CIT: variants seen among roughly 807,000 people sequenced by gnomAD.
The protein encoded by CIT is citron rho-interacting serine/threonine kinase, also known as citron Rho-interacting kinase.
In CIT, 79 loss-of-function variants were observed where a neutral mutation model predicts 272.7. That is an observed-to-expected ratio of 0.29 (90% CI 0.24 to 0.35). CIT has a LOEUF of 0.35. CIT is among the 10% of genes least tolerant of loss of function. CIT has a pLI of 1.00. For missense variants in CIT, 1,909 were observed against 2,618.3 expected (o/e 0.73, Z 5.91); for synonymous variants, 948 against 995.6 (o/e 0.95, Z 0.90).
chr12:119,859,511 GTT>G lies in CIT; in HGVS notation c.239-1815_239-1814del, dbSNP rs767222425. Among the ~76,000 whole-genome samples the G allele has an allele frequency of 2.0e-5, 3 of 149,404 alleles. No individual in the cohort carries two copies. The East Asian group carries it at 5.9e-4, about 29-fold the overall frequency. On this transcript the variant is annotated intron_variant, in intron 3 of 47. Coordinates refer to ENST00000392521, the MANE Select transcript of CIT (RefSeq NM_001206999.2). ...CAATGTCATTTTTTTCATTTTCTTAGTTTTTTTTTTAAGAGACACAAATGGCT... is the reference window on the plus strand; with the variant it reads ...CAATGTCATTTTTTTCATTTTCTTAGTTTTTTTTAAGAGACACAAATGGCT...
chr12:119,701,785 AG>A (rs756370485), intron 42 of CIT, 33 bp from the exon 43 acceptor site: 2 of 1,614,034 alleles, frequency 1.2e-6, no homozygotes, highest in African/African-American at 2.7e-5. Flanking sequence ...GGGCTTCAGG[AG>A]TGAGTTCTGA....
At chr12:119,800,246 C>T (rs1966076372) in intron 10 of CIT, among the ~76,000 whole-genome samples, 1 of 152,120 alleles carries the variant, frequency 6.6e-6, no homozygotes, top group South Asian at 2.1e-4. Flanking sequence ...CAGACAGCTA[C>T]TCACTCTCCA....
intron 1 of CIT, among the ~76,000 whole-genome samples, chr12:119,876,385 T>C (rs1594031812): frequency 6.6e-6 from 1 of 152,254 alleles, no homozygotes. Context: ...TCTGACATAC[T>C]CTCTTACTTA....
intron 26 of CIT, among the ~76,000 whole-genome samples, chr12:119,732,585 G>A (rs1958517069): frequency 6.6e-6 from 1 of 152,166 alleles, no homozygotes; most frequent in African/African-American, 2.4e-5. Context: ...CTACAAAAAG[G>A]AACTATTTCT....
rs992863043 is a variant in CIT, at chr12:119,719,029, C to A, written c.3841-168G>T. ...AGGGGGGGAAGGGTAGGCTGAGCCA[C>A]AGCCCGTTCCAGCCGGCTGAAAAAA... On this transcript the variant is annotated intron_variant, in intron 30 of 47. Coordinates refer to ENST00000392521, the MANE Select transcript of CIT (RefSeq NM_001206999.2). 4 of 638,474 alleles carry A rather than the reference C, an allele frequency of 6.3e-6. No homozygotes were observed. The Admixed American group carries it at 8.9e-5, about 14-fold the overall frequency. 39.6% of individuals were successfully genotyped at this position (638,474 alleles called of 1,614,324 possible).
Position 119,770,975 on chromosome 12 carries a change from C to T in CIT, c.2083-65G>A, listed in dbSNP as rs1432817476. The T allele has an allele frequency of 3.9e-5, 61 of 1,563,976 alleles. No homozygotes were observed. The highest frequency in any genetic ancestry group is 5.1e-5 in the Non-Finnish European group (59 of 1,154,458). ...ACCGCTATGGGCATAACACCTGCAC[C>T]GAGGGAAAGAGCCCTCAAGAAGCAT... On this transcript the variant is annotated intron_variant, in intron 17 of 47. Transcript: ENST00000392521. The surrounding 1 kb of genome is among the most constrained non-coding windows in gnomAD (Gnocchi z 4.4).
chr12:119,849,270 T>C (rs1970039930), intron 5 of CIT, among the ~76,000 whole-genome samples: 1 of 151,986 alleles, frequency 6.6e-6, no homozygotes, highest in East Asian at 1.9e-4. Flanking sequence ...CTACTAAAAA[T>C]ACAAAAATTA....
chr12:119,851,268 A>ATG lies in CIT; in HGVS notation c.415-995_415-994dup, dbSNP rs1237489759. Among the ~76,000 whole-genome samples, 9 of 152,198 alleles carry ATG rather than the reference A, an allele frequency of 5.9e-5. No homozygotes were observed. In the South Asian group the frequency reaches 6.2e-4, roughly 11 times the overall value. On this transcript the variant is annotated intron_variant, in intron 4 of 47. Coordinates refer to ENST00000392521, the MANE Select transcript of CIT (RefSeq NM_001206999.2). ...ATACACAAATATAGATGTAATGTAT[A>ATG]TGTGTGTGTGTGAGTGCACGCACAT...
intron 9 of CIT, among the ~76,000 whole-genome samples, chr12:119,817,307 C>T (rs1255688472): frequency 2.0e-5 from 3 of 151,740 alleles, no homozygotes; most frequent in Non-Finnish European, 2.9e-5. Flanking sequence ...GTCAGGAGAC[C>T]GAGACCATCC....
At chr12:119,740,480 C>G (rs278114) in intron 24 of CIT, among the ~76,000 whole-genome samples, 2 of 151,760 alleles carry the variant, frequency 1.3e-5, no homozygotes, top group African/African-American at 2.4e-5. Context: ...TTCACAGTTA[C>G]ACACACATTT....
intron 23 of CIT, among the ~76,000 whole-genome samples, chr12:119,746,406 T>C (rs1176467116): frequency 2.0e-5 from 3 of 152,168 alleles, no homozygotes; most frequent in African/African-American, 7.2e-5. Flanking sequence ...AGACTAAAAT[T>C]TGGCCTGTAA....
At chr12:119,730,722 T>A in intron 26 of CIT, 92 bp from the exon 27 acceptor site, 2 of 1,387,098 alleles carry the variant, frequency 1.4e-6, no homozygotes, top group East Asian at 2.4e-5. Context: ...GACGAGCAAC[T>A]AAACAGGCTG....
chr12:119,823,725 C>T (rs1348592410), intron 8 of CIT, among the ~76,000 whole-genome samples: 1 of 152,002 alleles, frequency 6.6e-6, no homozygotes, highest in Non-Finnish European at 1.5e-5. Flanking sequence ...AAAACATATA[C>T]ATTTATCAGA....
At chr12:119,709,762 A>AGAGAGAGAGAAAGAGAGAGAGAG (rs1957056944) in intron 39 of CIT, among the ~76,000 whole-genome samples, 1 of 120,498 alleles carries the variant, frequency 8.3e-6, no homozygotes, top group African/African-American at 3.5e-5. Flanking sequence ...TGGTTCAGGA[A>AGAGAGAGAGAAAGAGAGAGAGAG]AGAGAGAGAG....
At chr12:119,745,953 T>C (rs377137523) in intron 23 of CIT, among the ~76,000 whole-genome samples, 17 of 152,354 alleles carry the variant, frequency 1.1e-4, no homozygotes, top group African/African-American at 3.8e-4. Context: ...TAATTTTTTT[T>C]CTAAAAATCT....
chr12:119,784,970 T>C lies in CIT; in HGVS notation c.1391A>G (p.Lys464Arg). Residue 464 changes from lysine (K) to arginine (R), a missense_variant, in exon 11 of 48, where the codon AAG (lysine) becomes AGG (arginine). This residue lies in a region of CIT where 26 missense variants were observed against 44.1 expected (regional missense o/e 0.59). Transcript: ENST00000392521. The surrounding 1 kb of genome is among the most constrained non-coding windows in gnomAD (Gnocchi z 4.7). ...KSKELQDSQD[K>R]CHKMEQEMTR... The stretch of plus-strand genomic sequence containing the variant: ...TGCGGAAATAAATACCTTGTGACAC[T>C]TGTCCTGAGAGTCTTGTAGCTCTTT... The C allele has an allele frequency of 6.2e-7, 1 of 1,614,194 alleles. No individual in the cohort carries two copies. The highest frequency in any genetic ancestry group is 8.5e-7 in the Non-Finnish European group (1 of 1,180,012).
chr12:119,812,904 A>C (rs1206553085), intron 9 of CIT, among the ~76,000 whole-genome samples: 3 of 152,164 alleles, frequency 2.0e-5, no homozygotes, highest in Non-Finnish European at 4.4e-5. Context: ...GTTTTACTAG[A>C]AGGTAGAATT....
chr12:119,739,714 C>A (rs1227137799), intron 24 of CIT, among the ~76,000 whole-genome samples: 1 of 151,930 alleles, frequency 6.6e-6, no homozygotes, highest in Admixed American at 6.6e-5. Context: ...TGGATCAGGC[C>A]CTGTGCAAGC....
At chr12:119,782,412 T>G in intron 13 of CIT, 106 bp downstream of exon 13, 8 of 1,319,014 alleles carry the variant, frequency 6.1e-6, no homozygotes, top group Non-Finnish European at 7.4e-6. Flanking sequence ...CCCCCACCCT[T>G]TCTCTCTCTC....
Sources: allele counts gnomAD v4.1 joint callset (sites outside exome capture counted in the v4.1 genomes callset), GRCh38; gene constraint gnomAD v4.1.1; regional missense constraint gnomAD v4.1.1; non-coding constraint Gnocchi (gnomAD v3.1); transcripts MANE v1.5; gene names NCBI Gene and HGNC (gene_info 2026-07-23, HGNC 2026-07-21).